Variants in ZNF717 observed in about 807,000 individuals in gnomAD.
The protein encoded by ZNF717 is krueppel-like factor X17.
Under a neutral mutation model 13.8 loss-of-function variants are expected in ZNF717, and 9 were observed. The ratio of observed to expected loss-of-function variants is 0.65; its 90% confidence interval spans 0.39 to 1.14. The LOEUF (loss-of-function observed/expected upper bound fraction) is 1.14, where lower values mean the gene tolerates loss of function less well. Among genes scored for constraint, ZNF717 ranks in the 50% most tolerant of loss-of-function variants. ZNF717 has a pLI of 0.01. For missense variants in ZNF717, 1,040 were observed against 1,080.7 expected, an observed-to-expected ratio of 0.96 and a Z score of 0.53; for synonymous variants, 327 against 364.1, an observed-to-expected ratio of 0.90 and a Z score of 1.16.
chr3:75,775,884 A>C (rs1944276744), intron 2 of ZNF717, among the ~76,000 whole-genome samples: 1 of 152,222 alleles, frequency 6.6e-6, no homozygotes, highest in African/African-American at 2.4e-5. Context: ...CCAAAAGTTT[A>C]ATAAAAAGAC....
At chr3:75,743,036 A>C (rs1444676194) in intron 2 of ZNF717, among the ~76,000 whole-genome samples, 2 of 152,220 alleles carry the variant, frequency 1.3e-5, no homozygotes, top group Non-Finnish European at 2.9e-5. Flanking sequence ...AACGATATTC[A>C]ATAATGGCTC....
At chr3:75,720,445 C>T (rs1938145755) in intron 4 of ZNF717, among the ~76,000 whole-genome samples, 1 of 152,072 alleles carries the variant, frequency 6.6e-6, no homozygotes, top group Non-Finnish European at 1.5e-5. Flanking sequence ...TAGGTACACA[C>T]AGACGTAAAC....
intron 2 of ZNF717, among the ~76,000 whole-genome samples, chr3:75,773,495 G>A (rs372475453): frequency 5.3e-5 from 8 of 152,168 alleles, no homozygotes; most frequent in African/African-American, 9.7e-5. Flanking sequence ...GAGATGGCAC[G>A]GCCCATCTGG....
intron 6 of ZNF717, among the ~76,000 whole-genome samples, chr3:75,695,907 T>C (rs1268098823): frequency 6.6e-6 from 1 of 152,070 alleles, no homozygotes; most frequent in Admixed American, 6.5e-5. Context: ...TAACAATACA[T>C]CTTAATTAAT....
chr3:75,730,710 G>C, intron 5 of ZNF717: 1 of 670,178 alleles, frequency 1.5e-6, no homozygotes, highest in Non-Finnish European at 2.7e-6. Context: ...GGATAACAAG[G>C]AACAAGTACA....
At chr3:75,709,173 T>C (rs1444053384), downstream of ZNF717, among the ~76,000 whole-genome samples, 1 of 151,954 alleles carries the variant, frequency 6.6e-6, no homozygotes, top group African/African-American at 2.4e-5. Context: ...TATTTTTTTG[T>C]ATTTTTAGTA....
chr3:75,767,700 G>C (rs1943592748), intron 2 of ZNF717, among the ~76,000 whole-genome samples: 2 of 152,168 alleles, frequency 1.3e-5, no homozygotes, highest in Admixed American at 1.3e-4. Flanking sequence ...CACCATCTCA[G>C]GGATCTGCCT....
downstream of ZNF717, among the ~76,000 whole-genome samples, chr3:75,733,387 C>T (rs1938763758): frequency 6.6e-6 from 1 of 152,252 alleles, no homozygotes; most frequent in Admixed American, 6.5e-5. Flanking sequence ...CAAAAACCTA[C>T]ACCTAGGCAT....
chr3:75,769,993 C>T (rs190066874), intron 2 of ZNF717, among the ~76,000 whole-genome samples: 2 of 152,240 alleles, frequency 1.3e-5, no homozygotes, highest in African/African-American at 4.8e-5. Flanking sequence ...TGACAATGTG[C>T]TTCTTGGTTT....
intron 4 of ZNF717, among the ~76,000 whole-genome samples, chr3:75,722,318 C>T (rs3009054): frequency 0.84 from 127,095 of 152,142 alleles, 53,074 homozygotes; most frequent in East Asian, 0.89. Context: ...CAAAATAGTA[C>T]TTTAAAATAA....
chr3:75,699,853 G>T (rs1181615246), intron 6 of ZNF717, among the ~76,000 whole-genome samples: 2 of 152,304 alleles, frequency 1.3e-5, no homozygotes, highest in Admixed American at 6.5e-5. Flanking sequence ...TATGCCAAGA[G>T]TCAACAAACT....
Position 75,783,366 on chromosome 3 carries a change from TGA to T in ZNF717, c.-2-4_-2-3del, listed in dbSNP as rs1456641813. The T allele has an allele frequency of 3.2e-6, 5 of 1,550,800 alleles. No individual in the cohort carries two copies. Among genetic ancestry groups the T allele is most frequent in the East Asian group, 2.4e-5 (1 of 40,904 alleles). ...AGCCAGAGAACACTGGAAACATAGC[TGA>T]GAGAGAAGGCAAATGACGTGAATTA... On this transcript the variant is annotated splice_region_variant and splice_polypyrimidine_tract_variant and intron_variant, in intron 1 of 4. Transcript: ENST00000652011.
intron 2 of ZNF717, among the ~76,000 whole-genome samples, chr3:75,760,862 G>GT (rs1440789107): frequency 7.2e-6 from 1 of 138,750 alleles, no homozygotes; most frequent in Non-Finnish European, 1.6e-5. Context: ...CACTGAGTTT[G>GT]TTTTTTTAAA....
At chr3:75,755,237 C>A (rs1396114401) in intron 2 of ZNF717, among the ~76,000 whole-genome samples, 494 of 149,672 alleles carry the variant, frequency 3.3e-3, no homozygotes, top group African/African-American at 0.012. Context: ...ATAACTGAAA[C>A]CTGGATCAAC....
chr3:75,708,622 A>G (rs1427893255), downstream of ZNF717, among the ~76,000 whole-genome samples: 1 of 152,228 alleles, frequency 6.6e-6, no homozygotes, highest in East Asian at 1.9e-4. Flanking sequence ...ACGGAGAATG[A>G]CTTTGACGAG....
intron 5 of ZNF717, among the ~76,000 whole-genome samples, chr3:75,713,221 G>A (rs1487663414): frequency 6.6e-6 from 1 of 152,200 alleles, no homozygotes; most frequent in Admixed American, 6.5e-5. Context: ...CACAATCACA[G>A]TTCACTGCAG....
intron 4 of ZNF717, among the ~76,000 whole-genome samples, chr3:75,739,579 CT>C (rs1224876878): frequency 2.6e-5 from 4 of 152,034 alleles, no homozygotes; most frequent in Non-Finnish European, 5.9e-5. Flanking sequence ...TTTTCCTGTT[CT>C]TTTTTATTTC....
At chr3:75,705,868 C>A (rs1575713238), downstream of ZNF717, among the ~76,000 whole-genome samples, 1 of 152,308 alleles carries the variant, frequency 6.6e-6, no homozygotes, top group African/African-American at 2.4e-5. Context: ...AGAGGCTAAC[C>A]TTGATGTATA....
intron 1 of ZNF717, among the ~76,000 whole-genome samples, chr3:75,784,181 C>G (rs1945010056): frequency 6.6e-6 from 1 of 152,196 alleles, no homozygotes; most frequent in Non-Finnish European, 1.5e-5. Context: ...AGTCAACCCA[C>G]CATGTGACCA....
Sources: allele counts gnomAD v4.1 joint callset (sites outside exome capture counted in the v4.1 genomes callset), GRCh38; gene constraint gnomAD v4.1.1; transcripts MANE v1.5; gene names NCBI Gene and HGNC (gene_info 2026-07-23, HGNC 2026-07-21).